The following FBXO7 variants were observed in gnomAD, a reference collection of about 807,000 sequenced individuals.
The protein encoded by FBXO7 is F-box only protein 7.
FBXO7 carries 31 observed loss-of-function variants against 50.2 expected under a neutral mutation model. The observed-to-expected ratio is 0.62, with a 90% CI of 0.46 to 0.83. FBXO7 has a LOEUF of 0.83. FBXO7 is among the 40% of genes least tolerant of loss of function. The pLI is 0.00. For synonymous variants in FBXO7, 256 were observed against 253.1 expected (o/e 1.01, Z -0.11); for missense variants, 667 against 646.6 (o/e 1.03, Z -0.34).
chr22:32,475,197 G>A, intron 1 of FBXO7, 73 bp downstream of exon 1: 1 of 1,513,704 alleles, frequency 6.6e-7, no homozygotes. Flanking sequence ...GCGGGTTGGC[G>A]TCATCTGTGG....
intron 8 of FBXO7, among the ~76,000 whole-genome samples, chr22:32,495,899 A>G (rs1204379990): frequency 2.0e-5 from 3 of 152,258 alleles, no homozygotes; most frequent in Non-Finnish European, 4.4e-5. Context: ...CTCTATAACA[A>G]AAACTGCAAG....
intron 5 of FBXO7, chr22:32,490,746 C>G: frequency 3.8e-6 from 1 of 263,592 alleles, no homozygotes; most frequent in Non-Finnish European, 7.3e-6. Context: ...AGGAGCAGTT[C>G]TCCACTGTAT....
intron 5 of FBXO7, chr22:32,490,019 CAA>C (rs2057523890): frequency 6.6e-6 from 1 of 152,232 alleles, no homozygotes; most frequent in African/African-American, 2.4e-5. Flanking sequence ...AATTTCAACT[CAA>C]GATTGCAAGT....
chr22:32,491,004 A>G (rs1487083066), intron 5 of FBXO7, 82 bp from the exon 6 acceptor site: 3 of 916,060 alleles, frequency 3.3e-6, no homozygotes, highest in South Asian at 1.3e-5. Flanking sequence ...TTTATTCACC[A>G]TGTTGATTGG....
At chr22:32,475,258 G>A in intron 1 of FBXO7, 134 bp downstream of exon 1, 1 of 1,556,976 alleles carries the variant, frequency 6.4e-7, no homozygotes, top group Non-Finnish European at 8.6e-7. Context: ...GGGACGCCGG[G>A]GGGGCCTTCA....
At chr22:32,489,406 C>T (rs1158919061) in intron 5 of FBXO7, 2 of 152,162 alleles carry the variant, frequency 1.3e-5, no homozygotes, top group Non-Finnish European at 2.9e-5. Context: ...CTTGAAATTC[C>T]TTGGCTACGA....
intron 1 of FBXO7, 52 bp downstream of exon 1, chr22:32,475,176 G>A (rs752135655): frequency 6.5e-7 from 1 of 1,528,284 alleles, no homozygotes; most frequent in Admixed American, 2.0e-5. Flanking sequence ...AGTGCTTGGG[G>A]TGGGTGCAGG....
At chr22:32,485,549 G>C (rs372386908) in intron 4 of FBXO7, among the ~76,000 whole-genome samples, 147 of 152,198 alleles carry the variant, frequency 9.7e-4, no homozygotes, top group African/African-American at 3.5e-3. Context: ...GAACTCCTTG[G>C]AGAATACTTT....
At chr22:32,492,228 A>G (rs2057542468) in intron 6 of FBXO7, 2 of 152,242 alleles carry the variant, frequency 1.3e-5, no homozygotes, top group Non-Finnish European at 2.9e-5. Flanking sequence ...CTCTATATGT[A>G]GAGAAATAAG....
chr22:32,478,550 T>C (rs1187005831), intron 1 of FBXO7, among the ~76,000 whole-genome samples: 2 of 152,138 alleles, frequency 1.3e-5, no homozygotes, highest in African/African-American at 4.8e-5. Flanking sequence ...ATAAATACTT[T>C]TGATAATTTT....
chr22:32,489,545 CT>C (rs1568977003), intron 5 of FBXO7: 2 of 152,190 alleles, frequency 1.3e-5, no homozygotes, highest in Admixed American at 1.3e-4. Context: ...GGCTCACTTA[CT>C]TAAGGGTCAC....
At chr22:32,480,784 C>G (rs895693237) in intron 2 of FBXO7, among the ~76,000 whole-genome samples, 2 of 151,954 alleles carry the variant, frequency 1.3e-5, no homozygotes, top group Non-Finnish European at 2.9e-5. Context: ...ATTCTCCCAC[C>G]TCAGCCTCCC....
At chr22:32,488,491 T>C (rs1423393485) in intron 5 of FBXO7, 1 of 152,456 alleles carries the variant, frequency 6.6e-6, no homozygotes, top group East Asian at 1.9e-4. Context: ...ATTTTTTAAG[T>C]GCCTGTTTCA....
intron 2 of FBXO7, among the ~76,000 whole-genome samples, chr22:32,482,453 G>A (rs902847359): frequency 1.3e-5 from 2 of 152,160 alleles, no homozygotes; most frequent in Non-Finnish European, 2.9e-5. Flanking sequence ...TGCATTAAGA[G>A]TTGGGCATAT....
chr22:32,484,509 C>T (rs918257707), intron 3 of FBXO7, among the ~76,000 whole-genome samples: 12 of 152,286 alleles, frequency 7.9e-5, no homozygotes, highest in Non-Finnish European at 1.5e-4. Context: ...TGCACACCTG[C>T]AGCATGCCAT....
chr22:32,478,418 C>A (rs1287228219), intron 1 of FBXO7, among the ~76,000 whole-genome samples: 1 of 151,750 alleles, frequency 6.6e-6, no homozygotes, highest in Non-Finnish European at 1.5e-5. Context: ...TCAAAGATGT[C>A]AAAAAAAATT....
chr22:32,490,861 C>T (rs1308389226), intron 5 of FBXO7: 3 of 494,886 alleles, frequency 6.1e-6, no homozygotes, highest in Non-Finnish European at 1.1e-5. Context: ...AGAGGTTGGG[C>T]ACAGCTCTAC....
chr22:32,483,384 G>GTA (rs541501488), intron 2 of FBXO7, among the ~76,000 whole-genome samples: 62 of 152,290 alleles, frequency 4.1e-4, no homozygotes, highest in African/African-American at 1.3e-3. Flanking sequence ...TGTTGGGGAG[G>GTA]TACTGGTGAA....
At chr22:32,498,028 C>A (rs1173735590) in intron 8 of FBXO7, 116 bp from the exon 9 acceptor site, 6 of 1,199,692 alleles carry the variant, frequency 5.0e-6, no homozygotes, top group Non-Finnish European at 7.2e-6. Flanking sequence ...GGGACTAAAT[C>A]CACAATATGT....
Sources: gnomAD v4.1 joint callset for allele counts (sites outside exome capture counted in the v4.1 genomes callset) on GRCh38, gnomAD v4.1.1 for gene constraint, MANE v1.5 for transcripts, NCBI Gene and HGNC (gene_info 2026-07-23, HGNC 2026-07-21) for gene names.